The following PCDH15 variants were observed in gnomAD, a reference collection of about 807,000 sequenced individuals.
PCDH15 encodes the protein protocadherin related 15.
A neutral mutation model predicts 178.5 loss-of-function variants in PCDH15; 129 were observed. That is an observed-to-expected ratio of 0.72 (90% CI 0.63 to 0.84). The LOEUF is 0.84. Ranked by LOEUF, PCDH15 falls within the 40% of genes least tolerant of loss-of-function variation. The pLI, the probability that PCDH15 is intolerant of heterozygous loss-of-function variation, is 0.00. For synonymous variants in PCDH15, 800 were observed against 732.0 expected (o/e 1.09, Z -1.50); for missense variants, 2,230 against 2,099.9 (o/e 1.06, Z -1.21).
At chr10:55,179,443 A>T (rs1839582161) in intron 1 of PCDH15, among the ~76,000 whole-genome samples, 1 of 151,932 alleles carries the variant, frequency 6.6e-6, no homozygotes, top group African/African-American at 2.4e-5. Flanking sequence ...CAGAGTGAGA[A>T]TTTCTGTCCC....
intron 3 of PCDH15, among the ~76,000 whole-genome samples, chr10:54,421,034 T>C (rs889642151): frequency 1.4e-4 from 22 of 152,216 alleles, no homozygotes; most frequent in African/African-American, 5.3e-4. Flanking sequence ...GTTGCATTAT[T>C]ATCATACCCT....
intron 11 of PCDH15, among the ~76,000 whole-genome samples, chr10:54,188,871 T>C (rs576617924): frequency 3.9e-4 from 59 of 152,016 alleles, no homozygotes; most frequent in African/African-American, 1.3e-3. Context: ...TATATATGTA[T>C]GCATATACAA....
intron 2 of PCDH15, among the ~76,000 whole-genome samples, chr10:55,149,120 T>A (rs1439601805): frequency 6.6e-6 from 1 of 151,288 alleles, no homozygotes; most frequent in African/African-American, 2.4e-5. Flanking sequence ...AAATAAGCAA[T>A]ATTGCTTAAA....
intron 2 of PCDH15, among the ~76,000 whole-genome samples, chr10:55,341,954 T>A (rs1241727260): frequency 6.7e-6 from 1 of 150,110 alleles, no homozygotes; most frequent in East Asian, 2.0e-4. Context: ...GACACAACTT[T>A]TTTTTTAATT....
chr10:54,305,382 T>G (rs2133351577), intron 8 of PCDH15, among the ~76,000 whole-genome samples: 1 of 152,116 alleles, frequency 6.6e-6, no homozygotes, highest in African/African-American at 2.4e-5. Flanking sequence ...GTACACAGAA[T>G]TCCAAAATAT....
At chr10:54,898,235 G>T (rs1418893204) in intron 2 of PCDH15, among the ~76,000 whole-genome samples, 1 of 152,020 alleles carries the variant, frequency 6.6e-6, no homozygotes, top group African/African-American at 2.4e-5. Flanking sequence ...TTTCTTTATA[G>T]CAATGCAAGA....
At chr10:53,936,417 T>C (rs1452246544) in intron 25 of PCDH15, among the ~76,000 whole-genome samples, 6 of 152,118 alleles carry the variant, frequency 3.9e-5, no homozygotes, top group African/African-American at 1.4e-4. Context: ...TATTTACAGA[T>C]TGAATGTTAT....
At chr10:54,406,217 T>C (rs1952648494) in intron 3 of PCDH15, among the ~76,000 whole-genome samples, 2 of 152,108 alleles carry the variant, frequency 1.3e-5, no homozygotes, top group Non-Finnish European at 2.9e-5. Flanking sequence ...GAGCTATGCA[T>C]TAATGTATAC....
intron 13 of PCDH15, among the ~76,000 whole-genome samples, chr10:54,180,685 C>A (rs1424741761): frequency 6.6e-6 from 1 of 152,162 alleles, no homozygotes; most frequent in East Asian, 1.9e-4. Context: ...TAAAAATATT[C>A]TCTCAATGAG....
intron 3 of PCDH15, among the ~76,000 whole-genome samples, chr10:54,465,147 G>A (rs986874357): frequency 5.3e-5 from 8 of 151,922 alleles, no homozygotes; most frequent in South Asian, 4.1e-4. Flanking sequence ...CATAGCATTT[G>A]TATATATTTA....
chr10:55,037,234 AT>A (rs941412810), intron 2 of PCDH15, among the ~76,000 whole-genome samples: 62 of 148,032 alleles, frequency 4.2e-4, no homozygotes, highest in East Asian at 2.2e-3. Flanking sequence ...TGACATCTTA[AT>A]TTTTTTTTTT....
intron 15 of PCDH15, among the ~76,000 whole-genome samples, chr10:54,104,546 C>A (rs2136187411): frequency 6.6e-6 from 1 of 152,170 alleles, no homozygotes; most frequent in East Asian, 1.9e-4. Context: ...GAGTTAGAAT[C>A]CCTGAGTTCA....
intron 2 of PCDH15, among the ~76,000 whole-genome samples, chr10:55,344,290 T>A (rs2131958421): frequency 6.6e-6 from 1 of 152,242 alleles, no homozygotes. Flanking sequence ...AGATAGCCGT[T>A]AGAAAATTTC....
At chr10:54,132,208 G>C (rs1421482660) in intron 15 of PCDH15, among the ~76,000 whole-genome samples, 2 of 152,156 alleles carry the variant, frequency 1.3e-5, no homozygotes, top group African/African-American at 4.8e-5. Context: ...AGCCCAACTT[G>C]AAGCTGCATA....
At chr10:55,495,783 A>C (rs1310070173) in intron 2 of PCDH15, among the ~76,000 whole-genome samples, 1 of 151,892 alleles carries the variant, frequency 6.6e-6, no homozygotes, top group Non-Finnish European at 1.5e-5. Flanking sequence ...CTGTATACAA[A>C]TGTTCAAAGC....
intron 1 of PCDH15, among the ~76,000 whole-genome samples, chr10:54,773,723 C>A (rs1474840011): frequency 6.6e-6 from 1 of 152,120 alleles, no homozygotes; most frequent in African/African-American, 2.4e-5. Context: ...CTTTTCACCC[C>A]TGACTAGAAA....
chr10:54,070,955 C>T (rs1386610912), intron 17 of PCDH15, among the ~76,000 whole-genome samples: 2 of 151,910 alleles, frequency 1.3e-5, no homozygotes, highest in Non-Finnish European at 2.9e-5. Context: ...GTTATAAAGC[C>T]ATAGTCAAAG....
In PCDH15 at chr10:53,803,489, T is replaced by G. The variant is rs1840988345; in HGVS notation, c.*3090A>C. 6.6e-6 allele frequency: 1 copy of G among 151,974 alleles called. No individual in the cohort carries two copies. The highest frequency in any genetic ancestry group is 6.6e-5 in the Admixed American group (1 of 15,230). 9.4% of individuals were successfully genotyped at this position (151,974 alleles called of 1,614,324 possible). A position where few individuals can be genotyped will look rare whatever the true frequency, so the allele number is the denominator to read the frequency against. ...CTTAAGTAAATAATAGTCTTTAACA[T>G]CCCTGTGAACAATGTGGTAAAATAA... is the stretch of plus-strand genomic sequence containing the variant. On this transcript the variant is annotated 3_prime_UTR_variant, in exon 38 of 38. Coordinates refer to ENST00000644397, the MANE Select transcript of PCDH15 (RefSeq NM_001384140.1).
At chr10:54,844,859 A>G (rs1287736461) in intron 3 of PCDH15, among the ~76,000 whole-genome samples, 2 of 151,946 alleles carry the variant, frequency 1.3e-5, no homozygotes, top group Admixed American at 6.6e-5. Context: ...TTTTGTTTCA[A>G]TAATGACTTT....
Sources: allele counts gnomAD v4.1 joint callset (sites outside exome capture counted in the v4.1 genomes callset), GRCh38; gene constraint gnomAD v4.1.1; transcripts MANE v1.5; gene names NCBI Gene and HGNC (gene_info 2026-07-23, HGNC 2026-07-21).